The following CFAP91 variants were observed in gnomAD, a reference collection of about 807,000 sequenced individuals.
CFAP91 encodes the protein cilia- and flagella-associated protein 91.
CFAP91 carries 85 observed loss-of-function variants against 95.9 expected under a neutral mutation model. The observed-to-expected ratio is 0.89, with a 90% CI of 0.74 to 1.06. CFAP91 has a LOEUF of 1.06. Ranked by LOEUF, CFAP91 falls within the 50% of genes least tolerant of loss-of-function variation. CFAP91 has a pLI of 0.00. For missense variants in CFAP91, 962 were observed against 943.4 expected (o/e 1.02, Z -0.26); for synonymous variants, 335 against 327.5 (o/e 1.02, Z -0.25).
chr3:119,703,098 C>T lies in CFAP91; in HGVS notation c.-1C>T. 1 of 1,554,100 alleles carries T rather than the reference C, an allele frequency of 6.4e-7. No homozygotes were observed. Among genetic ancestry groups the T allele is most frequent in the Non-Finnish European group, 8.7e-7 (1 of 1,148,676 alleles). ...GCTGGCGGGAGGAAAGAGGCGGCACCATGAGCCACGCAGTAACCATCGAGG... is the reference window on the plus strand; with the variant it reads ...GCTGGCGGGAGGAAAGAGGCGGCACTATGAGCCACGCAGTAACCATCGAGG... On this transcript the variant is annotated 5_prime_UTR_variant, in exon 1 of 18. Transcript: ENST00000273390.
chr3:119,737,561 C>A, intron 11 of CFAP91, 79 bp downstream of exon 11: 1 of 867,986 alleles, frequency 1.2e-6, no homozygotes, highest in Non-Finnish European at 1.8e-6. Context: ...TAGCTTAAAG[C>A]AAATCTAATT....
In CFAP91 at chr3:119,766,029, G is replaced by A. The variant is rs1482332261; in HGVS notation, c.*979G>A. On this transcript the variant is annotated 3_prime_UTR_variant, in exon 18 of 18. Coordinates refer to ENST00000273390, the MANE Select transcript of CFAP91 (RefSeq NM_033364.4). ...ATGCAGGCTGAAAAGAAAAGGAAGT[G>A]GGCTAAGATGGGAAAAATATAAAAA... 1 of 151,998 alleles carries A rather than the reference G, an allele frequency of 6.6e-6. No homozygotes were observed. Among genetic ancestry groups the A allele is most frequent in the Admixed American group, 6.6e-5 (1 of 15,264 alleles). 9.4% of individuals were successfully genotyped at this position (151,998 alleles called of 1,614,324 possible). A position where few individuals can be genotyped will look rare whatever the true frequency, so the allele number is the denominator to read the frequency against.
Position 119,715,594 on chromosome 3 carries a change from C to G in CFAP91, c.533C>G (p.Thr178Ser), listed in dbSNP as rs145890924. 4 of 1,614,122 alleles carry G rather than the reference C, an allele frequency of 2.5e-6. No homozygotes were observed. In the African/African-American group the frequency reaches 5.3e-5, roughly 22 times the overall value. ...AEPYTFPPTS[T>S]KHLSIPSKST... ...CCATACACTTTTCCTCCTACTTCTA[C>G]TAAGCACCTATCCATCCCTTCAAAG... Residue 178 changes from threonine (T) to serine (S), a missense_variant, in exon 6 of 18, where the codon ACT becomes AGT. By Grantham distance (58) the Thr-to-Ser change is moderately conservative (BLOSUM62 1). Transcript: ENST00000273390.
chr3:119,728,330 T>TC (rs2053826209), intron 7 of CFAP91, among the ~76,000 whole-genome samples: 1 of 152,160 alleles, frequency 6.6e-6, no homozygotes, highest in Non-Finnish European at 1.5e-5. Flanking sequence ...TCAGGCCCCA[T>TC]CCCAGGACCT....
intron 13 of CFAP91, 23 bp downstream of exon 13, chr3:119,740,718 GT>G: frequency 6.2e-7 from 1 of 1,604,284 alleles, no homozygotes; most frequent in Non-Finnish European, 8.5e-7. Flanking sequence ...TTGTTTTCTT[GT>G]TACTTTCTTG....
At chr3:119,745,870 C>T (rs116969595) in intron 14 of CFAP91, among the ~76,000 whole-genome samples, 1,744 of 152,308 alleles carry the variant, frequency 0.011, 29 homozygotes, top group East Asian at 0.08. Flanking sequence ...CATAGGTGTA[C>T]AGTATCATAT....
At chr3:119,763,437 A>G (rs2054574020) in intron 17 of CFAP91, among the ~76,000 whole-genome samples, 1 of 152,028 alleles carries the variant, frequency 6.6e-6, no homozygotes, top group Non-Finnish European at 1.5e-5. Context: ...AAATAGAACT[A>G]CCATATGATC....
chr3:119,758,783 A>G (rs1281251710), intron 17 of CFAP91, among the ~76,000 whole-genome samples: 4 of 152,108 alleles, frequency 2.6e-5, no homozygotes, highest in Non-Finnish European at 5.9e-5. Context: ...AGATAGGGAA[A>G]AATCTCATTT....
rs763494670 is a variant in CFAP91, at chr3:119,747,106, T to G, written c.1903-9T>G. ...CCTGTTTTAGTGAGGGTATTATTGT[T>G]TTTTGCAGGTGGTTAAAGTTCACCA... On this transcript the variant is annotated splice_polypyrimidine_tract_variant and intron_variant, in intron 14 of 17. Coordinates refer to ENST00000273390, the MANE Select transcript of CFAP91 (RefSeq NM_033364.4). 2.8e-5 allele frequency: 44 copies of G among 1,553,802 alleles called. No homozygotes were observed. In the South Asian group the frequency reaches 3.9e-4, roughly 14 times the overall value.
intron 17 of CFAP91, among the ~76,000 whole-genome samples, chr3:119,762,643 TAGAG>T (rs1313886947): frequency 1.3e-5 from 2 of 151,954 alleles, no homozygotes; most frequent in Admixed American, 6.6e-5. Flanking sequence ...TGGAATGTAA[TAGAG>T]AGCCCAGAAA....
intron 13 of CFAP91, among the ~76,000 whole-genome samples, chr3:119,743,249 C>A (rs2054155746): frequency 6.6e-6 from 1 of 151,710 alleles, no homozygotes; most frequent in African/African-American, 2.4e-5. Context: ...TCCCGAGTAG[C>A]TGGGATTACA....
chr3:119,764,247 A>G (rs2054591089), intron 17 of CFAP91, among the ~76,000 whole-genome samples: 1 of 152,110 alleles, frequency 6.6e-6, no homozygotes, highest in African/African-American at 2.4e-5. Context: ...TCCATGGATA[A>G]CTGCTCTTCA....
At chr3:119,724,306 G>A (rs559819041) in intron 6 of CFAP91, among the ~76,000 whole-genome samples, 159 of 152,124 alleles carry the variant, frequency 1.0e-3, no homozygotes, top group African/African-American at 3.7e-3. Context: ...TCCTTTTTGT[G>A]TTTACTTGGG....
chr3:119,737,524 C>A (rs745910518), intron 11 of CFAP91, 42 bp downstream of exon 11: 1 of 1,171,774 alleles, frequency 8.5e-7, no homozygotes, highest in South Asian at 1.3e-5. Flanking sequence ...AATTCAATAT[C>A]ATTGTCAGCT....
intron 11 of CFAP91, among the ~76,000 whole-genome samples, chr3:119,738,171 T>C (rs2054045715): frequency 1.3e-5 from 2 of 152,060 alleles, no homozygotes; most frequent in Non-Finnish European, 2.9e-5. Context: ...GTTTCTTGGC[T>C]GAGGGCAGGT....
chr3:119,707,848 T>C (rs1185198537), intron 3 of CFAP91, among the ~76,000 whole-genome samples: 1 of 151,820 alleles, frequency 6.6e-6, no homozygotes, highest in Non-Finnish European at 1.5e-5. Context: ...TGCTCTGTTC[T>C]GCTAGTATCT....
intron 5 of CFAP91, among the ~76,000 whole-genome samples, chr3:119,713,964 A>G (rs1467419681): frequency 6.6e-6 from 1 of 152,110 alleles, no homozygotes; most frequent in African/African-American, 2.4e-5. Context: ...TGATCATTTA[A>G]GTTTCTAATT....
At chr3:119,744,937 G>A (rs1443758099) in intron 14 of CFAP91, among the ~76,000 whole-genome samples, 1 of 152,154 alleles carries the variant, frequency 6.6e-6, no homozygotes, top group Non-Finnish European at 1.5e-5. Flanking sequence ...CACTAAGGAA[G>A]AACCAGCTGG....
intron 13 of CFAP91, among the ~76,000 whole-genome samples, chr3:119,743,390 T>C (rs900601312): frequency 2.0e-5 from 3 of 152,186 alleles, no homozygotes; most frequent in African/African-American, 7.2e-5. Context: ...AGTGCTGGGA[T>C]TACAGGCCTG....
Sources: gnomAD v4.1 joint callset for allele counts (sites outside exome capture counted in the v4.1 genomes callset) on GRCh38, gnomAD v4.1.1 for gene constraint, MANE v1.5 for transcripts, NCBI Gene and HGNC (gene_info 2026-07-23, HGNC 2026-07-21) for gene names.